KCNH5: variants seen among roughly 807,000 people sequenced by gnomAD.
KCNH5 encodes the protein potassium voltage-gated channel subfamily H member 5, also known as voltage-gated delayed rectifier potassium channel KCNH5.
KCNH5 carries 46 observed loss-of-function variants against 96.1 expected under a neutral mutation model. The ratio of observed to expected loss-of-function variants is 0.48; its 90% confidence interval spans 0.38 to 0.61. KCNH5 has a LOEUF of 0.61. Ranked by LOEUF, KCNH5 falls within the 20% of genes least tolerant of loss-of-function variation. The pLI, the probability that KCNH5 is intolerant of heterozygous loss-of-function variation, is 0.00. For missense variants in KCNH5, 907 were observed against 1,225.8 expected (o/e 0.74, Z 3.88); for synonymous variants, 439 against 449.8 (o/e 0.98, Z 0.30).
intron 4 of KCNH5, among the ~76,000 whole-genome samples, chr14:62,999,192 C>G (rs1052660564): frequency 3.3e-5 from 5 of 152,182 alleles, no homozygotes; most frequent in African/African-American, 1.2e-4. Flanking sequence ...TCCTCTCCAG[C>G]ACCTGTTGTT....
intron 10 of KCNH5, among the ~76,000 whole-genome samples, chr14:62,731,804 A>G (rs535789640): frequency 6.6e-6 from 1 of 152,328 alleles, no homozygotes; most frequent in South Asian, 2.1e-4. Flanking sequence ...AGGAATGATC[A>G]CCAATGGCCT....
At chr14:62,954,336 TC>T (rs1309231466) in intron 6 of KCNH5, among the ~76,000 whole-genome samples, 3 of 152,180 alleles carry the variant, frequency 2.0e-5, no homozygotes, top group Non-Finnish European at 2.9e-5. Context: ...TTTCTGCACA[TC>T]TCTATTATAA....
chr14:62,795,185 CA>C (rs1364683303), intron 9 of KCNH5, among the ~76,000 whole-genome samples: 12 of 152,118 alleles, frequency 7.9e-5, no homozygotes. Context: ...CCTCTATCAA[CA>C]AAGGAGGAAC....
At chr14:62,848,923 T>A (rs1470027618) in intron 8 of KCNH5, among the ~76,000 whole-genome samples, 1 of 152,232 alleles carries the variant, frequency 6.6e-6, no homozygotes, top group Non-Finnish European at 1.5e-5. Context: ...GTGTACAAGC[T>A]TTATTTTTCA....
At chr14:62,876,557 A>G (rs1888376717) in intron 7 of KCNH5, among the ~76,000 whole-genome samples, 1 of 152,248 alleles carries the variant, frequency 6.6e-6, no homozygotes, top group South Asian at 2.1e-4. Context: ...ATACACTACC[A>G]ACAAATAGTT....
chr14:62,807,849 C>T (rs117923756), intron 8 of KCNH5, among the ~76,000 whole-genome samples: 4,838 of 152,084 alleles, frequency 0.032, 151 homozygotes, highest in South Asian at 0.083. Context: ...GGAATTTATG[C>T]AAAAAATGTT....
At chr14:62,948,832 C>T (rs1484705035) in intron 7 of KCNH5, among the ~76,000 whole-genome samples, 1 of 144,262 alleles carries the variant, frequency 6.9e-6, no homozygotes, top group Non-Finnish European at 1.5e-5. Context: ...GGCTTCATCC[C>T]TGGGATGCAA....
At chr14:62,740,754 A>T (rs1885255505) in intron 10 of KCNH5, among the ~76,000 whole-genome samples, 1 of 152,186 alleles carries the variant, frequency 6.6e-6, no homozygotes, top group South Asian at 2.1e-4. Flanking sequence ...CTGATTATTC[A>T]GTGTCAAGAA....
intron 7 of KCNH5, among the ~76,000 whole-genome samples, chr14:62,940,292 C>G (rs1039392838): frequency 6.6e-6 from 1 of 151,750 alleles, no homozygotes; most frequent in Non-Finnish European, 1.5e-5. Flanking sequence ...ATATGGCTCA[C>G]AAAGCCTAAG....
chr14:63,017,325 TACA>T (rs1471811615), intron 1 of KCNH5, among the ~76,000 whole-genome samples: 4 of 151,976 alleles, frequency 2.6e-5, no homozygotes, highest in African/African-American at 9.7e-5. Flanking sequence ...GTCACTTCCC[TACA>T]AATTGAGAAT....
intron 7 of KCNH5, among the ~76,000 whole-genome samples, chr14:62,875,717 A>T (rs1017465722): frequency 6.6e-6 from 1 of 152,252 alleles, no homozygotes; most frequent in Non-Finnish European, 1.5e-5. Flanking sequence ...TCATTCTATT[A>T]TAAAGATACA....
At chr14:62,815,110 A>G (rs1391328730) in intron 8 of KCNH5, among the ~76,000 whole-genome samples, 3 of 152,196 alleles carry the variant, frequency 2.0e-5, no homozygotes, top group African/African-American at 4.8e-5. Context: ...ATGAGAATGA[A>G]AGAAGTAACA....
rs199734760 is a variant in KCNH5 at position 62,983,422 on chromosome 14, A to ATG, written c.550-2160_550-2159dup. On this transcript the variant is annotated intron_variant, in intron 5 of 10. Transcript: ENST00000322893. The stretch of plus-strand genomic sequence containing the variant: ...TATGTATATATACATATATATACAT[A>ATG]TGTGTGTGTGTGTGTATATTATAAC... Among the ~76,000 whole-genome samples the ATG allele has an allele frequency of 3.2e-3, 484 of 151,198 alleles. 5 individuals are homozygous for ATG. The highest frequency in any genetic ancestry group is 8.5e-3 in the African/African-American group (349 of 41,292).
chr14:62,831,574 T>C (rs1317353536), intron 8 of KCNH5, among the ~76,000 whole-genome samples: 1 of 152,226 alleles, frequency 6.6e-6, no homozygotes, highest in Non-Finnish European at 1.5e-5. Context: ...GTTATCCATA[T>C]ATTTCTTACT....
chr14:62,772,739 G>A (rs988250378), intron 10 of KCNH5, among the ~76,000 whole-genome samples: 27 of 151,414 alleles, frequency 1.8e-4, no homozygotes, highest in Admixed American at 1.3e-4. Flanking sequence ...CATGTTAACA[G>A]AGAGTATATC....
chr14:62,776,373 G>T (rs1886096442), intron 10 of KCNH5, among the ~76,000 whole-genome samples: 1 of 151,868 alleles, frequency 6.6e-6, no homozygotes, highest in African/African-American at 2.4e-5. Flanking sequence ...TCCCCTTCTT[G>T]TCTCTCTTAT....
intron 10 of KCNH5, among the ~76,000 whole-genome samples, chr14:62,742,061 A>G (rs931332563): frequency 3.3e-5 from 5 of 152,122 alleles, no homozygotes; most frequent in African/African-American, 1.2e-4. Context: ...TATCTTCCTC[A>G]AAGGCCTGGA....
At chr14:62,970,490 G>A (rs774220450) in intron 6 of KCNH5, among the ~76,000 whole-genome samples, 3 of 152,098 alleles carry the variant, frequency 2.0e-5, no homozygotes, top group Admixed American at 6.6e-5. Context: ...CATTTTATGA[G>A]ACCAGCATTA....
intron 10 of KCNH5, among the ~76,000 whole-genome samples, chr14:62,733,709 A>G (rs960794078): frequency 3.9e-5 from 6 of 152,174 alleles, no homozygotes; most frequent in African/African-American, 1.2e-4. Flanking sequence ...CCCACAGTCC[A>G]TAACTTAGTG....
Sources: gnomAD v4.1 joint callset for allele counts (sites outside exome capture counted in the v4.1 genomes callset) on GRCh38, gnomAD v4.1.1 for gene constraint, MANE v1.5 for transcripts, NCBI Gene and HGNC (gene_info 2026-07-23, HGNC 2026-07-21) for gene names.